IQGAP2: variants seen among roughly 807,000 people sequenced by gnomAD.
IQGAP2 encodes the protein IQ motif containing GTPase activating protein 2, also known as ras GTPase-activating-like protein IQGAP2.
In IQGAP2, 173 loss-of-function variants were observed where a neutral mutation model predicts 201.3. That is an observed-to-expected ratio of 0.86 (90% confidence interval 0.76 to 0.98). IQGAP2 has a LOEUF of 0.98. IQGAP2 is among the 50% of genes least tolerant of loss of function. IQGAP2 has a pLI of 0.00. For missense variants in IQGAP2, 1,687 were observed against 1,864.8 expected (o/e 0.90, Z 1.76); for synonymous variants, 675 against 673.9 (o/e 1.00, Z -0.03).
At chr5:76,459,394 G>C (rs1213634846) in intron 1 of IQGAP2, among the ~76,000 whole-genome samples, 1 of 152,188 alleles carries the variant, frequency 6.6e-6, no homozygotes, top group Non-Finnish European at 1.5e-5. Context: ...GTTGGGGATG[G>C]TGTGACAAGC....
intron 1 of IQGAP2, among the ~76,000 whole-genome samples, chr5:76,448,429 C>T (rs1753536324): frequency 6.6e-6 from 1 of 152,138 alleles, no homozygotes; most frequent in South Asian, 2.1e-4. Flanking sequence ...TCTCTCTGCC[C>T]TTTGTCTCCC....
intron 1 of IQGAP2, among the ~76,000 whole-genome samples, chr5:76,426,231 C>T (rs1172195419): frequency 6.6e-6 from 1 of 152,162 alleles, no homozygotes; most frequent in Non-Finnish European, 1.5e-5. Flanking sequence ...CTGGGAACAG[C>T]GTGCCCCAGA....
chr5:76,692,490 T>C (rs1746356106), intron 30 of IQGAP2, among the ~76,000 whole-genome samples: 1 of 152,196 alleles, frequency 6.6e-6, no homozygotes, highest in South Asian at 2.1e-4. Context: ...TTTCCAATAA[T>C]ACTGTTTCCA....
intron 2 of IQGAP2, among the ~76,000 whole-genome samples, chr5:76,491,085 C>T (rs138498541): frequency 4.7e-5 from 7 of 147,464 alleles, no homozygotes; most frequent in African/African-American, 1.8e-4. Context: ...TCATAATTGA[C>T]ATGTGCTTTA....
At position 76,597,569 on chromosome 5, in the gene IQGAP2, C is replaced by A; in HGVS notation, c.1038C>A (p.Asn346Lys). The A allele has an allele frequency of 1.9e-6, 3 of 1,613,896 alleles. No individual in the cohort carries two copies. The highest frequency in any genetic ancestry group is 2.5e-6 in the Non-Finnish European group (3 of 1,179,954). ...VYPFAAAMYQ[N>K]ELFNLQKQNT... ...CCTTTGCTGCTGCCATGTATCAGAA[C>A]GAACTTTTCAACCTCCAGAAACAGA... The change falls in exon 10 of 36, where the codon AAC becomes AAA. Residue 346 changes from asparagine (N) to lysine (K), a missense_variant. Coordinates refer to ENST00000274364, the MANE Select transcript of IQGAP2 (RefSeq NM_006633.5).
At chr5:76,498,930 T>A (rs1261916014) in intron 2 of IQGAP2, among the ~76,000 whole-genome samples, 1 of 152,178 alleles carries the variant, frequency 6.6e-6, no homozygotes, top group Non-Finnish European at 1.5e-5. Context: ...CGGGGTGGGA[T>A]GAGGGGCTTT....
chr5:76,521,357 C>T (rs557187229), intron 2 of IQGAP2, among the ~76,000 whole-genome samples: 4 of 152,280 alleles, frequency 2.6e-5, no homozygotes, highest in South Asian at 2.1e-4. Context: ...AGCATACTTA[C>T]GTCACTATTT....
chr5:76,615,754 T>C (rs1297476508), intron 13 of IQGAP2: 2 of 83,582 alleles, frequency 2.4e-5, no homozygotes, highest in East Asian at 5.2e-4. Context: ...TACAGGAATA[T>C]AATGGGTATT....
At chr5:76,574,340 G>A (rs1453853937) in intron 4 of IQGAP2, among the ~76,000 whole-genome samples, 1 of 152,100 alleles carries the variant, frequency 6.6e-6, no homozygotes, top group African/African-American at 2.4e-5. Context: ...TTCTGTTCTT[G>A]TCACCCAGGC....
chr5:76,655,694 G>T (rs1406039575), intron 20 of IQGAP2, among the ~76,000 whole-genome samples: 4 of 152,120 alleles, frequency 2.6e-5, no homozygotes, highest in African/African-American at 9.7e-5. Context: ...TGATTCACCT[G>T]CCTTGGCCTC....
chr5:76,629,910 A>G (rs986872981), intron 14 of IQGAP2, among the ~76,000 whole-genome samples: 4 of 152,198 alleles, frequency 2.6e-5, no homozygotes, highest in African/African-American at 9.7e-5. Flanking sequence ...ATCTTCAACT[A>G]TCTGGAACTT....
At chr5:76,424,666 C>A (rs1385770575) in intron 1 of IQGAP2, among the ~76,000 whole-genome samples, 4 of 152,202 alleles carry the variant, frequency 2.6e-5, no homozygotes, top group Admixed American at 6.5e-5. Context: ...TTAAAGTGTT[C>A]ATTGGACAAG....
At chr5:76,486,749 T>C (rs191498000) in intron 2 of IQGAP2, among the ~76,000 whole-genome samples, 1 of 152,278 alleles carries the variant, frequency 6.6e-6, no homozygotes, top group East Asian at 1.9e-4. Context: ...ATAAAAAAGA[T>C]CATTGAATTT....
At chr5:76,422,530 T>C (rs948700300) in intron 1 of IQGAP2, among the ~76,000 whole-genome samples, 1 of 152,244 alleles carries the variant, frequency 6.6e-6, no homozygotes, top group Non-Finnish European at 1.5e-5. Flanking sequence ...AAGTACTCTG[T>C]GTGGAGTTCC....
chr5:76,490,125 C>T (rs919779019), intron 2 of IQGAP2, among the ~76,000 whole-genome samples: 1 of 152,186 alleles, frequency 6.6e-6, no homozygotes, highest in Non-Finnish European at 1.5e-5. Flanking sequence ...GCCTTATACC[C>T]GTTTTCATTC....
Position 76,707,265 on chromosome 5 carries a change from T to C in IQGAP2, c.4680T>C (p.Asn1560=). ...AAATGTTTGATAAGGTTAAAGTGAA[T>C]GTAAACCTTCTCATATACCTGCTGA... ...VMKMFDKVKV[N]VNLLIYLLNK... is the part of the protein sequence containing the mutation. Residue 1560 remains asparagine, a synonymous_variant, in exon 36 of 36, where the codon AAT becomes AAC. Coordinates refer to ENST00000274364, the MANE Select transcript of IQGAP2 (RefSeq NM_006633.5). 2.5e-6 allele frequency: 4 copies of C among 1,586,572 alleles called. No homozygotes were observed. The highest frequency in any genetic ancestry group is 3.5e-6 in the Non-Finnish European group (4 of 1,154,996).
At chr5:76,520,351 G>A (rs999001498) in intron 2 of IQGAP2, among the ~76,000 whole-genome samples, 2 of 152,092 alleles carry the variant, frequency 1.3e-5, no homozygotes, top group African/African-American at 2.4e-5. Context: ...TAGTAGAGAC[G>A]GGGTTTCTCC....
chr5:76,654,268 T>A lies in IQGAP2; in HGVS notation c.2247T>A (p.Asp749Glu), dbSNP rs779351382. ...TTTCAAGACTACAGTATTTCAGAGATCATGTAAGAAAAATGCCTGTGGGAT... is the reference window on the plus strand; with the variant it reads ...TTTCAAGACTACAGTATTTCAGAGAACATGTAAGAAAAATGCCTGTGGGAT... ...SYLSRLQYFR[D>E]HNNEIVKIQS... is the part of the protein sequence containing the mutation. The change falls in exon 19 of 36, where the codon GAT (aspartate) becomes GAA (glutamate). Residue 749 changes from aspartate to glutamate, a missense_variant. By Grantham distance (45) the Asp-to-Glu change is conservative. Coordinates refer to ENST00000274364, the MANE Select transcript of IQGAP2 (RefSeq NM_006633.5). 1 of 1,602,230 alleles carries A rather than the reference T, an allele frequency of 6.2e-7. No homozygotes were observed. Among genetic ancestry groups the A allele is most frequent in the Non-Finnish European group, 8.5e-7 (1 of 1,172,462 alleles).
At position 76,694,146 on chromosome 5, in the gene IQGAP2, T is replaced by C. The variant is rs186216684; in HGVS notation, c.3993+704T>C. Among the ~76,000 whole-genome samples, 10 of 152,296 alleles carry C rather than the reference T, an allele frequency of 6.6e-5. No homozygotes were observed. In the East Asian group the frequency reaches 1.2e-3, roughly 18 times the overall value. On this transcript the variant is annotated intron_variant, in intron 31 of 35. Transcript: ENST00000274364. Reference sequence around the variant, plus strand: ...GTAATAGTTTTTAATTTAAAAAATATAAAAGGCTGGGCATGGTGGCTCATG... The same window carrying C: ...GTAATAGTTTTTAATTTAAAAAATACAAAAGGCTGGGCATGGTGGCTCATG...
Sources: gnomAD v4.1 joint callset for allele counts (sites outside exome capture counted in the v4.1 genomes callset) on GRCh38, gnomAD v4.1.1 for gene constraint, MANE v1.5 for transcripts, NCBI Gene and HGNC (gene_info 2026-07-23, HGNC 2026-07-21) for gene names.